The following SEC24D variants were observed in gnomAD, a reference collection of about 807,000 sequenced individuals.
SEC24D encodes SEC24 homolog D, COPII component.
SEC24D carries 69 observed loss-of-function variants against 116.9 expected under a neutral mutation model. The observed-to-expected ratio is 0.59, with a 90% CI of 0.49 to 0.72. The LOEUF (loss-of-function observed/expected upper bound fraction) is 0.72, where lower values mean the gene tolerates loss of function less well. Among genes scored for constraint, SEC24D ranks in the 30% least tolerant of loss-of-function variants. The probability of loss-of-function intolerance (pLI) is 0.00; values close to 1 mark genes in which losing one functional copy is unlikely to be tolerated. For missense variants in SEC24D, 1,131 were observed against 1,264.1 expected (o/e 0.89, Z 1.60); for synonymous variants, 405 against 442.8 (o/e 0.91, Z 1.07).
intron 2 of SEC24D, among the ~76,000 whole-genome samples, chr4:118,830,819 T>C (rs1425731155): frequency 6.6e-6 from 1 of 151,392 alleles, no homozygotes; most frequent in Non-Finnish European, 1.5e-5. Context: ...GGCTCAGGAG[T>C]TGATGGTTTG....
At chr4:118,826,114 T>C (rs1207962493) in intron 2 of SEC24D, among the ~76,000 whole-genome samples, 1 of 152,126 alleles carries the variant, frequency 6.6e-6, no homozygotes, top group Admixed American at 6.6e-5. Context: ...GACATTTTTA[T>C]ATTAATTCTA....
At position 118,772,008 on chromosome 4, in the gene SEC24D, T is replaced by C. The variant is rs189587384; in HGVS notation, c.1042-3697A>G. 4.6e-5 allele frequency among the ~76,000 whole-genome samples: 7 copies of C among 152,324 alleles called. No individual in the cohort carries two copies. The East Asian group carries it at 1.3e-3, about 29-fold the overall frequency. On this transcript the variant is annotated intron_variant, in intron 8 of 22. Transcript: ENST00000280551. ...TCTTTTCAATTTAGAAAGGCGATGT[T>C]AAATTATTCACAGATTGTATTTCCA...
intron 21 of SEC24D, 132 bp from the exon 22 acceptor site, chr4:118,728,782 C>A (rs1725536117): frequency 5.6e-6 from 3 of 535,378 alleles, no homozygotes; most frequent in African/African-American, 1.9e-5. Flanking sequence ...TACCTGAAAA[C>A]CAAAACTGTG....
intron 13 of SEC24D, among the ~76,000 whole-genome samples, chr4:118,751,367 G>A (rs549691280): frequency 4.6e-5 from 7 of 151,990 alleles, no homozygotes; most frequent in Admixed American, 6.6e-5. Context: ...TAGTAGAGAC[G>A]GGGTTTCTCC....
chr4:118,774,217 G>T (rs2110479137), intron 8 of SEC24D, among the ~76,000 whole-genome samples: 1 of 152,084 alleles, frequency 6.6e-6, no homozygotes. Flanking sequence ...AATACTATCA[G>T]AGAGTCTATT....
intron 2 of SEC24D, among the ~76,000 whole-genome samples, chr4:118,832,087 C>T (rs1345324142): frequency 6.6e-6 from 1 of 152,036 alleles, no homozygotes; most frequent in Non-Finnish European, 1.5e-5. Context: ...CCTGTAATCC[C>T]AGCTACTCAG....
chr4:118,810,137 T>TGTGTGTGTGTGG (rs56961502), intron 6 of SEC24D, among the ~76,000 whole-genome samples: 2,759 of 104,334 alleles, frequency 0.026, 271 homozygotes, highest in Non-Finnish European at 0.032. Context: ...TGTGTGTGTG[T>TGTGTGTGTGTGG]CAGAGGGTAT....
intron 6 of SEC24D, among the ~76,000 whole-genome samples, chr4:118,812,430 C>T (rs942994916): frequency 6.6e-6 from 1 of 152,142 alleles, no homozygotes; most frequent in African/African-American, 2.4e-5. Flanking sequence ...ATACCCCCAT[C>T]CTGGGCCTAT....
chr4:118,822,674 C>A (rs1244453364), intron 3 of SEC24D, among the ~76,000 whole-genome samples: 1 of 152,114 alleles, frequency 6.6e-6, no homozygotes, highest in Non-Finnish European at 1.5e-5. Context: ...TGGGCTCAAG[C>A]AATCCTCCCA....
chr4:118,829,047 C>T (rs943187754), intron 2 of SEC24D, among the ~76,000 whole-genome samples: 5 of 152,224 alleles, frequency 3.3e-5, no homozygotes, highest in African/African-American at 1.2e-4. Flanking sequence ...GCCCCTGCCA[C>T]GTGCTTCCAT....
chr4:118,741,024 C>G lies in SEC24D; in HGVS notation c.2009G>C (p.Arg670Thr). The G allele has an allele frequency of 6.3e-7, 1 of 1,574,892 alleles. No homozygotes were observed. Among genetic ancestry groups the G allele is most frequent in the Non-Finnish European group, 8.6e-7 (1 of 1,156,310 alleles). ...TCTGAGGTCGTTCAAAAATTGTTGT[C>G]TATCCAAGTGCATCTAAAAAATAAA... ...KYNNFQMHLDRQQFLNDLRND... is the reference protein window; with the variant it reads ...KYNNFQMHLDTQQFLNDLRND... Residue 670 changes from arginine to threonine, a missense_variant, in exon 16 of 23, where the codon AGA becomes ACA. By Grantham distance (71) the Arg-to-Thr change is moderately conservative. Coordinates refer to ENST00000280551, the MANE Select transcript of SEC24D (RefSeq NM_014822.4).
chr4:118,732,753 A>G lies in SEC24D; in HGVS notation c.2656T>C (p.Tyr886His), dbSNP rs755706471. Residue 886 changes from tyrosine (Y) to histidine (H), a missense_variant, in exon 20 of 23, where the codon TAC becomes CAC. Tyr to His is a moderately conservative substitution (Grantham distance 83, BLOSUM62 2). Coordinates refer to ENST00000280551, the MANE Select transcript of SEC24D (RefSeq NM_014822.4). ...MGVADSQLFF[Y>H]PQLLPIHTLD... The stretch of plus-strand genomic sequence containing the variant: ...CTTACTATGGGCAGAAGTTGTGGGT[A>G]GAAGAAAAGCTGAGAGTCAGCCACA... The G allele has an allele frequency of 3.1e-6, 5 of 1,614,044 alleles. No homozygotes were observed. The Admixed American group carries it at 5.0e-5, about 16-fold the overall frequency.
intron 8 of SEC24D, among the ~76,000 whole-genome samples, chr4:118,786,961 T>A (rs993931578): frequency 6.6e-6 from 1 of 152,234 alleles, no homozygotes; most frequent in Non-Finnish European, 1.5e-5. Flanking sequence ...AATTCTGTGA[T>A]TAAGAAAATA....
At chr4:118,732,694 C>A in intron 20 of SEC24D, 39 bp downstream of exon 20, 1 of 1,584,698 alleles carries the variant, frequency 6.3e-7, no homozygotes, top group South Asian at 1.1e-5. Flanking sequence ...GATTCCCTTC[C>A]AGCCTCCTCT....
In SEC24D at chr4:118,833,685, T is replaced by C. The variant is rs764799047; in HGVS notation, c.12A>G (p.Gln4=). 33 of 1,610,116 alleles carry C rather than the reference T, an allele frequency of 2.0e-5. No homozygotes were observed. The highest frequency in any genetic ancestry group is 2.7e-5 in the Non-Finnish European group (32 of 1,177,922). ...AATACGGAGGTGTAGCCACGTAACC[T>C]TGTTGACTCATTATGAAAATATCAT... MSQ[Q]GYVATPPYSQ... is the part of the protein sequence containing the mutation. The change falls in exon 2 of 23, where the codon CAA becomes CAG. Residue 4 remains glutamine, a synonymous_variant. Transcript: ENST00000280551.
At chr4:118,814,305 G>A (rs538146566) in intron 6 of SEC24D, among the ~76,000 whole-genome samples, 69 of 152,172 alleles carry the variant, frequency 4.5e-4, no homozygotes, top group Admixed American at 1.2e-3. Flanking sequence ...GGCCAGCTCT[G>A]TTTCCTCCCT....
At chr4:118,807,909 T>C (rs1176958338) in intron 6 of SEC24D, among the ~76,000 whole-genome samples, 1 of 152,236 alleles carries the variant, frequency 6.6e-6, no homozygotes, top group Admixed American at 6.5e-5. Context: ...CGAAACACTG[T>C]AATTATATTC....
chr4:118,725,617 T>TG (rs1009332677), intron 22 of SEC24D, among the ~76,000 whole-genome samples: 17 of 138,390 alleles, frequency 1.2e-4, no homozygotes, highest in Non-Finnish European at 2.3e-4. Flanking sequence ...TTCACTTGGG[T>TG]TTTTTTTTTT....
At chr4:118,749,210 G>A (rs1726702751) in intron 13 of SEC24D, among the ~76,000 whole-genome samples, 2 of 152,154 alleles carry the variant, frequency 1.3e-5, no homozygotes, top group South Asian at 4.1e-4. Flanking sequence ...ATGAGTACAA[G>A]ATGCTGTGGA....
Sources: gnomAD v4.1 joint callset for allele counts (sites outside exome capture counted in the v4.1 genomes callset) on GRCh38, gnomAD v4.1.1 for gene constraint, MANE v1.5 for transcripts, NCBI Gene and HGNC (gene_info 2026-07-23, HGNC 2026-07-21) for gene names.